Variants in ARHGAP24 observed in about 807,000 individuals in gnomAD.
ARHGAP24 encodes the protein Rho GTPase activating protein 24.
ARHGAP24 carries 50 observed loss-of-function variants against 76.4 expected under a neutral mutation model. That is an observed-to-expected ratio of 0.65 (90% CI 0.52 to 0.83). The LOEUF (loss-of-function observed/expected upper bound fraction) is 0.83, where lower values mean the gene tolerates loss of function less well. ARHGAP24 is among the 40% of genes least tolerant of loss of function. ARHGAP24 has a pLI of 0.00. For missense variants in ARHGAP24, 930 were observed against 914.2 expected (o/e 1.02, Z -0.22); for synonymous variants, 345 against 323.3 (o/e 1.07, Z -0.72).
chr4:85,816,338 C>T (rs1287800182), intron 3 of ARHGAP24, among the ~76,000 whole-genome samples: 1 of 152,188 alleles, frequency 6.6e-6, no homozygotes, highest in Non-Finnish European at 1.5e-5. Context: ...TGGCAACCAC[C>T]ATTCTATTCT....
chr4:85,994,058 A>C (rs749411854), intron 8 of ARHGAP24, among the ~76,000 whole-genome samples: 34 of 152,310 alleles, frequency 2.2e-4, no homozygotes, highest in Middle Eastern at 6.8e-3. Context: ...ATCTTGATAT[A>C]TTAGAGAAAC....
intron 3 of ARHGAP24, among the ~76,000 whole-genome samples, chr4:85,762,614 G>C (rs1250932462): frequency 6.6e-6 from 1 of 152,150 alleles, no homozygotes; most frequent in African/African-American, 2.4e-5. Context: ...ATAGGAAATT[G>C]AGGGGAAACA....
At chr4:85,516,211 G>A (rs904026651) in intron 1 of ARHGAP24, among the ~76,000 whole-genome samples, 1 of 152,138 alleles carries the variant, frequency 6.6e-6, no homozygotes, top group Non-Finnish European at 1.5e-5. Flanking sequence ...GTGAAGGAAG[G>A]TCTCTTATCC....
chr4:85,877,079 C>G (rs933834126), intron 3 of ARHGAP24, among the ~76,000 whole-genome samples: 12 of 148,474 alleles, frequency 8.1e-5, no homozygotes, highest in African/African-American at 3.2e-4. Context: ...CCATCTCTAT[C>G]TCTATGTATC....
chr4:85,952,695 A>T (rs748216890), intron 5 of ARHGAP24, among the ~76,000 whole-genome samples: 1 of 152,134 alleles, frequency 6.6e-6, no homozygotes, highest in Non-Finnish European at 1.5e-5. Context: ...TTATATAGGC[A>T]TGACTCATTG....
At chr4:85,545,143 A>G (rs184285379) in intron 1 of ARHGAP24, among the ~76,000 whole-genome samples, 1 of 151,854 alleles carries the variant, frequency 6.6e-6, no homozygotes, top group African/African-American at 2.4e-5. Context: ...CTTGTCGCCC[A>G]GGCTGGAATG....
chr4:85,712,323 T>C (rs2110035553), intron 2 of ARHGAP24, among the ~76,000 whole-genome samples: 1 of 152,272 alleles, frequency 6.6e-6, no homozygotes, highest in East Asian at 1.9e-4. Flanking sequence ...AATGATTGAC[T>C]AATTAACTGT....
chr4:85,693,497 A>C (rs779768440), intron 2 of ARHGAP24, among the ~76,000 whole-genome samples: 1 of 152,164 alleles, frequency 6.6e-6, no homozygotes. Flanking sequence ...TCAGCTTAGC[A>C]GTCTCAAGCT....
At position 85,856,823 on chromosome 4, in the gene ARHGAP24, C is replaced by A. The variant is rs1459634257; in HGVS notation, c.269-66825C>A. ...GACCCTTCTAGTTTTTCTATCAAAACCTATCCTTAGTGGTAAGTTCTCCTA... is the reference window on the plus strand; with the variant it reads ...GACCCTTCTAGTTTTTCTATCAAAAACTATCCTTAGTGGTAAGTTCTCCTA... On this transcript the variant is annotated intron_variant, in intron 3 of 9. Coordinates refer to ENST00000395184, the MANE Select transcript of ARHGAP24 (RefSeq NM_001025616.3). 1.7e-4 allele frequency among the ~76,000 whole-genome samples: 26 copies of A among 152,042 alleles called. 1 individual carries two copies. Among genetic ancestry groups the A allele is most frequent in the Admixed American group, 1.7e-3 (26 of 15,254 alleles).
intron 1 of ARHGAP24, among the ~76,000 whole-genome samples, chr4:85,485,878 A>G (rs1213088562): frequency 6.6e-6 from 1 of 151,744 alleles, no homozygotes; most frequent in East Asian, 1.9e-4. Context: ...GATTACAGGC[A>G]TGCGCCACCA....
intron 3 of ARHGAP24, among the ~76,000 whole-genome samples, chr4:85,840,274 T>TA (rs1730529096): frequency 6.6e-6 from 1 of 152,206 alleles, no homozygotes; most frequent in South Asian, 2.1e-4. Context: ...AACTTTGATT[T>TA]AAAAATTACT....
intron 1 of ARHGAP24, among the ~76,000 whole-genome samples, chr4:85,496,321 T>G (rs1723583175): frequency 6.6e-6 from 1 of 152,260 alleles, no homozygotes; most frequent in South Asian, 2.1e-4. Context: ...GCTTAGCATT[T>G]GTAAAACAGA....
intron 1 of ARHGAP24, among the ~76,000 whole-genome samples, chr4:85,489,374 C>G (rs1723272099): frequency 6.6e-6 from 1 of 152,194 alleles, no homozygotes; most frequent in Non-Finnish European, 1.5e-5. Flanking sequence ...CTTTTATTAT[C>G]TCTCTGTTTG....
chr4:85,917,622 G>A (rs750689707), intron 3 of ARHGAP24, among the ~76,000 whole-genome samples: 2 of 152,106 alleles, frequency 1.3e-5, no homozygotes, highest in Non-Finnish European at 2.9e-5. Context: ...GTGTGAGATG[G>A]TATCTCACTG....
chr4:85,587,519 G>A (rs1727911282), intron 2 of ARHGAP24, among the ~76,000 whole-genome samples: 1 of 152,106 alleles, frequency 6.6e-6, no homozygotes, highest in Non-Finnish European at 1.5e-5. Flanking sequence ...TTCAGTATAG[G>A]CTTGTGAATT....
At chr4:85,875,556 TA>T (rs1295436603) in intron 3 of ARHGAP24, among the ~76,000 whole-genome samples, 2 of 70,520 alleles carry the variant, frequency 2.8e-5, no homozygotes, top group African/African-American at 4.7e-5. Context: ...TTTTATATTA[TA>T]TTTTTATATT....
At chr4:85,788,984 T>G (rs1727989697) in intron 3 of ARHGAP24, among the ~76,000 whole-genome samples, 1 of 152,106 alleles carries the variant, frequency 6.6e-6, no homozygotes, top group Non-Finnish European at 1.5e-5. Context: ...TCAAAATCCA[T>G]GGAATCTCTA....
At chr4:85,618,929 TG>T (rs1268437621) in intron 2 of ARHGAP24, among the ~76,000 whole-genome samples, 4 of 152,026 alleles carry the variant, frequency 2.6e-5, no homozygotes, top group Non-Finnish European at 5.9e-5. Flanking sequence ...TAGATTGTCT[TG>T]TTGATTGTTT....
At chr4:85,894,128 G>A (rs954430098) in intron 3 of ARHGAP24, among the ~76,000 whole-genome samples, 4 of 149,116 alleles carry the variant, frequency 2.7e-5, no homozygotes, top group African/African-American at 5.0e-5. Context: ...ATTTCAGGAA[G>A]GCAAGAGAAA....
Sources: allele counts gnomAD v4.1 joint callset (sites outside exome capture counted in the v4.1 genomes callset), GRCh38; gene constraint gnomAD v4.1.1; transcripts MANE v1.5; gene names NCBI Gene and HGNC (gene_info 2026-07-23, HGNC 2026-07-21).